SPAG16: variants seen among roughly 807,000 people sequenced by gnomAD.
The protein encoded by SPAG16 is sperm associated antigen 16.
Under a neutral mutation model 80.4 loss-of-function variants are expected in SPAG16, and 86 were observed. The observed-to-expected ratio is 1.07, with a 90% confidence interval of 0.90 to 1.28. The LOEUF is 1.28. Among genes scored for constraint, SPAG16 ranks in the 50% most tolerant of loss-of-function variants. The pLI is 0.00. For missense variants in SPAG16, 870 were observed against 765.3 expected (o/e 1.14, Z -1.61); for synonymous variants, 294 against 265.9 (o/e 1.11, Z -1.03).
chr2:214,205,115 G>C (rs1041632751), intron 15 of SPAG16, among the ~76,000 whole-genome samples: 2 of 151,952 alleles, frequency 1.3e-5, no homozygotes, highest in Non-Finnish European at 2.9e-5. Flanking sequence ...TATAATCCCA[G>C]CTACTCAAGA....
chr2:214,084,769 G>A (rs2051610549), intron 13 of SPAG16, among the ~76,000 whole-genome samples: 2 of 152,164 alleles, frequency 1.3e-5, no homozygotes, highest in African/African-American at 2.4e-5. Context: ...AAATGTCAAT[G>A]CCATTTCATA....
chr2:213,635,457 T>C lies in SPAG16; in HGVS notation c.1070+145367T>C, dbSNP rs190889107. 2.2e-3 allele frequency among the ~76,000 whole-genome samples: 336 copies of C among 152,326 alleles called. 3 individuals carry two copies. The highest frequency in any genetic ancestry group is 2.4e-3 in the Non-Finnish European group (166 of 68,030). On this transcript the variant is annotated intron_variant, in intron 10 of 15. Coordinates refer to ENST00000331683, the MANE Select transcript of SPAG16 (RefSeq NM_024532.5). ...GTAGTGGGATTGCTGGATCAAATTATAGATTTACTTTTAGTTTTTTCAGGA... is the reference window on the plus strand; with the variant it reads ...GTAGTGGGATTGCTGGATCAAATTACAGATTTACTTTTAGTTTTTTCAGGA...
chr2:214,014,883 C>G (rs986825183), intron 13 of SPAG16, among the ~76,000 whole-genome samples: 1 of 152,174 alleles, frequency 6.6e-6, no homozygotes, highest in South Asian at 2.1e-4. Context: ...TAAGGGGTTA[C>G]AGTCTGCAGG....
chr2:213,334,144 G>T (rs2124896911), intron 5 of SPAG16, among the ~76,000 whole-genome samples: 1 of 152,054 alleles, frequency 6.6e-6, no homozygotes, highest in Non-Finnish European at 1.5e-5. Flanking sequence ...TAAAAAAATG[G>T]ACAAAAAATT....
intron 10 of SPAG16, among the ~76,000 whole-genome samples, chr2:213,696,203 TG>T (rs1213959651): frequency 1.3e-5 from 2 of 152,204 alleles, no homozygotes; most frequent in African/African-American, 4.8e-5. Context: ...AATTTTGTTA[TG>T]TCATTCATTA....
At chr2:213,919,568 G>T (rs2106201658) in intron 11 of SPAG16, among the ~76,000 whole-genome samples, 1 of 152,236 alleles carries the variant, frequency 6.6e-6, no homozygotes, top group Non-Finnish European at 1.5e-5. Context: ...CCATTCAAGT[G>T]CAGCTATTCA....
chr2:214,075,568 T>C (rs1307459638), intron 13 of SPAG16, among the ~76,000 whole-genome samples: 1 of 152,158 alleles, frequency 6.6e-6, no homozygotes, highest in Non-Finnish European at 1.5e-5. Context: ...AAGTATGTTA[T>C]ATACTCCAAC....
intron 10 of SPAG16, among the ~76,000 whole-genome samples, chr2:213,523,247 A>G (rs559142032): frequency 6.6e-6 from 1 of 152,196 alleles, no homozygotes; most frequent in African/African-American, 2.4e-5. Context: ...TTGCTTGGCA[A>G]TCCTCCTTTC....
chr2:213,429,988 C>G (rs1375304660), intron 9 of SPAG16, among the ~76,000 whole-genome samples: 2 of 152,124 alleles, frequency 1.3e-5, no homozygotes, highest in African/African-American at 2.4e-5. Context: ...CATGTCCTAA[C>G]TAAAAAGAAA....
At chr2:214,250,133 A>C (rs1183991410) in intron 15 of SPAG16, 3 of 152,110 alleles carry the variant, frequency 2.0e-5, no homozygotes, top group African/African-American at 4.8e-5. Flanking sequence ...TCACATTCTC[A>C]TTGACAAGAA....
intron 10 of SPAG16, chr2:213,758,262 G>A (rs1337351098): frequency 1.3e-5 from 2 of 152,648 alleles, no homozygotes; most frequent in Non-Finnish European, 2.9e-5. Context: ...CAGTAAGAGG[G>A]AGAATCTAAT....
In SPAG16 at chr2:213,976,445, T is replaced by C. The variant is rs145564225; in HGVS notation, c.1401-37506T>C. Among the ~76,000 whole-genome samples the C allele has an allele frequency of 4.6e-5, 7 of 152,034 alleles. 1 individual carries two copies. Among genetic ancestry groups the C allele is most frequent in the African/African-American group, 1.7e-4 (7 of 41,496 alleles). ...TCTCCTCTCACACACAAATATATCC[T>C]ATTGGACCTTTCAAGTATATTAACT... On this transcript the variant is annotated intron_variant, in intron 12 of 15. Coordinates refer to ENST00000331683, the MANE Select transcript of SPAG16 (RefSeq NM_024532.5).
At chr2:213,508,676 C>T (rs2075080410) in intron 10 of SPAG16, among the ~76,000 whole-genome samples, 1 of 152,132 alleles carries the variant, frequency 6.6e-6, no homozygotes, top group African/African-American at 2.4e-5. Flanking sequence ...GACAAAAAAC[C>T]GAACACCACG....
intron 12 of SPAG16, among the ~76,000 whole-genome samples, chr2:213,978,735 G>C (rs1373856784): frequency 6.6e-6 from 1 of 152,096 alleles, no homozygotes; most frequent in Non-Finnish European, 1.5e-5. Context: ...TTGTTTTCTG[G>C]TGCTGCAGTA....
At chr2:213,583,757 G>A (rs965093597) in intron 10 of SPAG16, among the ~76,000 whole-genome samples, 6 of 152,072 alleles carry the variant, frequency 3.9e-5, no homozygotes, top group Admixed American at 1.3e-4. Flanking sequence ...TCTTCATTAT[G>A]ATATCTTGAC....
At chr2:213,949,226 A>C (rs868807062) in intron 12 of SPAG16, among the ~76,000 whole-genome samples, 52 of 109,528 alleles carry the variant, frequency 4.7e-4, no homozygotes, top group African/African-American at 1.4e-3. Flanking sequence ...GCTGGAGTGC[A>C]GTGGTGTGAT....
At chr2:213,490,161 G>A in intron 10 of SPAG16, 71 bp downstream of exon 10, 1 of 1,397,084 alleles carries the variant, frequency 7.2e-7, no homozygotes, top group South Asian at 1.5e-5. Context: ...TGCTCTTACA[G>A]CCATTCATGG....
At chr2:213,798,601 C>T (rs1436192387) in intron 10 of SPAG16, among the ~76,000 whole-genome samples, 1 of 152,020 alleles carries the variant, frequency 6.6e-6, no homozygotes, top group African/African-American at 2.4e-5. Context: ...TCTGATGAAG[C>T]CTAGTGTATT....
At chr2:214,127,896 CAAAAT>C (rs1387062881) in intron 14 of SPAG16, among the ~76,000 whole-genome samples, 1 of 151,736 alleles carries the variant, frequency 6.6e-6, no homozygotes, top group Non-Finnish European at 1.5e-5. Context: ...TTTGTTATAA[CAAAAT>C]AAAAAGTAGA....
Sources: allele counts gnomAD v4.1 joint callset (sites outside exome capture counted in the v4.1 genomes callset), GRCh38; gene constraint gnomAD v4.1.1; transcripts MANE v1.5; gene names NCBI Gene and HGNC (gene_info 2026-07-23, HGNC 2026-07-21).